The following UHRF1 variants were observed in gnomAD, a reference collection of about 807,000 sequenced individuals.
UHRF1 encodes the protein ubiquitin like with PHD and ring finger domains 1, also known as E3 ubiquitin-protein ligase UHRF1.
Under a neutral mutation model 96.5 loss-of-function variants are expected in UHRF1, and 9 were observed. The ratio of observed to expected loss-of-function variants is 0.09; its 90% CI spans 0.06 to 0.16. The LOEUF (loss-of-function observed/expected upper bound fraction) is 0.16, where lower values mean the gene tolerates loss of function less well. Among genes scored for constraint, UHRF1 ranks in the 10% least tolerant of loss-of-function variants. UHRF1 has a pLI of 1.00. For synonymous variants in UHRF1, 455 were observed against 469.9 expected, an observed-to-expected ratio of 0.97 and a Z score of 0.41; for missense variants, 626 against 1,131.1, an observed-to-expected ratio of 0.55 and a Z score of 6.40.
chr19:4,919,185 G>A (rs892946395), intron 2 of UHRF1, among the ~76,000 whole-genome samples: 4 of 151,778 alleles, frequency 2.6e-5, no homozygotes, highest in Non-Finnish European at 5.9e-5. Flanking sequence ...TTATAGTGAT[G>A]GGTTTTGCCA....
At chr19:4,904,609 G>T (rs1381834771), upstream of UHRF1, among the ~76,000 whole-genome samples, 1 of 152,132 alleles carries the variant, frequency 6.6e-6, no homozygotes, top group Non-Finnish European at 1.5e-5. Flanking sequence ...GAGCTACCAC[G>T]CCTGGCTGAC....
intron 1 of UHRF1, chr19:4,910,381 T>TC (rs1273424597): frequency 7.2e-6 from 1 of 139,690 alleles, no homozygotes. Flanking sequence ...CACCGAGGGG[T>TC]CCCGGGGTCC....
At chr19:4,934,014 A>G (rs1267233006) in intron 5 of UHRF1, among the ~76,000 whole-genome samples, 3 of 146,972 alleles carry the variant, frequency 2.0e-5, no homozygotes, top group Non-Finnish European at 4.5e-5. Context: ...TGTATGTAAC[A>G]GAAAATTTAC....
At chr19:4,903,882 A>G (rs2032002405) in intron 1 of UHRF1, among the ~76,000 whole-genome samples, 1 of 152,190 alleles carries the variant, frequency 6.6e-6, no homozygotes, top group Admixed American at 6.6e-5. Context: ...TATGGCCAGG[A>G]CCTGAAATCT....
At position 4,929,413 on chromosome 19, in the gene UHRF1, C is replaced by T. The variant is rs367872478; in HGVS notation, c.345C>T (p.Ala115=). The change falls in exon 3 of 17, where the codon GCC becomes GCT. Residue 115 remains alanine (A), a synonymous_variant. Coordinates refer to ENST00000650932, the MANE Select transcript of UHRF1 (RefSeq NM_001048201.3). ...DKSSTHGEAA[A]ETDSRPADED... is the part of the protein sequence containing the mutation. ...CCTCCACCCACGGTGAGGCGGCCGC[C>T]GAGACTGACAGCAGGCCAGCCGATG... is the stretch of plus-strand genomic sequence containing the variant. The T allele has an allele frequency of 2.8e-5, 45 of 1,613,584 alleles. No individual in the cohort carries two copies. Among genetic ancestry groups the T allele is most frequent in the East Asian group, 8.9e-5 (4 of 44,892 alleles).
chr19:4,942,230 T>G (rs1448785658), intron 7 of UHRF1, among the ~76,000 whole-genome samples: 2 of 151,918 alleles, frequency 1.3e-5, no homozygotes, highest in African/African-American at 4.8e-5. Context: ...TCTCGCTGTC[T>G]CCCAGGCTGG....
At chr19:4,960,413 G>A (rs1401486464) in intron 16 of UHRF1, among the ~76,000 whole-genome samples, 2 of 152,142 alleles carry the variant, frequency 1.3e-5, no homozygotes, top group African/African-American at 4.8e-5. Flanking sequence ...GATGAGAGCC[G>A]GGGGACCGAG....
At chr19:4,908,059 G>A (rs2032106775), upstream of UHRF1, among the ~76,000 whole-genome samples, 1 of 152,098 alleles carries the variant, frequency 6.6e-6, no homozygotes. Flanking sequence ...CATCTCCTTT[G>A]ACTTTGACCT....
intron 7 of UHRF1, among the ~76,000 whole-genome samples, chr19:4,942,166 T>G (rs1051895826): frequency 1.3e-5 from 2 of 152,022 alleles, no homozygotes; most frequent in African/African-American, 4.8e-5. Flanking sequence ...TTTGTTTTTT[T>G]GAGACGGAGT....
intron 16 of UHRF1, among the ~76,000 whole-genome samples, chr19:4,958,076 G>A (rs2033904239): frequency 6.6e-6 from 1 of 152,232 alleles, no homozygotes; most frequent in Non-Finnish European, 1.5e-5. Flanking sequence ...GGCAGCTCAG[G>A]GAAGGTCAGG....
chr19:4,946,401 C>T (rs2033566454), intron 10 of UHRF1, among the ~76,000 whole-genome samples: 1 of 152,156 alleles, frequency 6.6e-6, no homozygotes. Context: ...GCGGAGGGAC[C>T]ATGCTGTGTT....
chr19:4,939,814 G>T (rs2033330196), intron 5 of UHRF1, among the ~76,000 whole-genome samples: 2 of 152,146 alleles, frequency 1.3e-5, no homozygotes, highest in African/African-American at 4.8e-5. Context: ...CACAAGGTCA[G>T]GAGATCGAGA....
At chr19:4,944,548 G>C (rs2033507142) in intron 9 of UHRF1, 98 bp downstream of exon 9, 2 of 1,304,134 alleles carry the variant, frequency 1.5e-6, no homozygotes, top group Non-Finnish European at 2.2e-6. Flanking sequence ...GGTCAGGGTG[G>C]TTACCAGTGG....
chr19:4,903,167 C>G, exon 1 of UHRF1: 1 of 289,448 alleles, frequency 3.5e-6, no homozygotes. Flanking sequence ...GCTGGGACCA[C>G]GGGTGCATGC....
chr19:4,942,252 G>A (rs1243390883), intron 7 of UHRF1, among the ~76,000 whole-genome samples: 2 of 151,486 alleles, frequency 1.3e-5, no homozygotes, highest in African/African-American at 2.4e-5. Context: ...GTGCAGTGGC[G>A]CGATCTCAGC....
At chr19:4,947,278 G>C in intron 11 of UHRF1, 67 bp downstream of exon 11, 1 of 1,442,196 alleles carries the variant, frequency 6.9e-7, no homozygotes, top group Non-Finnish European at 9.8e-7. Context: ...TCTGTTTTGG[G>C]CCTCATGTCC....
At chr19:4,942,159 GT>G (rs1344168768) in intron 7 of UHRF1, among the ~76,000 whole-genome samples, 1 of 151,868 alleles carries the variant, frequency 6.6e-6, no homozygotes, top group South Asian at 2.1e-4. Flanking sequence ...TTTTTTGTTT[GT>G]TTTTTTGAGA....
At chr19:4,957,069 T>A (rs914556747) in intron 16 of UHRF1, among the ~76,000 whole-genome samples, 3 of 152,114 alleles carry the variant, frequency 2.0e-5, no homozygotes, top group African/African-American at 7.2e-5. Flanking sequence ...GCCTAAGGTC[T>A]GGAGAGGAGG....
chr19:4,960,540 G>A, intron 16 of UHRF1, 117 bp from the exon 17 acceptor site: 1 of 1,414,814 alleles, frequency 7.1e-7, no homozygotes, highest in Non-Finnish European at 9.7e-7. Flanking sequence ...AAGTGAGACT[G>A]AAGGTCAGAG....
Sources: allele counts gnomAD v4.1 joint callset (sites outside exome capture counted in the v4.1 genomes callset), GRCh38; gene constraint gnomAD v4.1.1; transcripts MANE v1.5; gene names NCBI Gene and HGNC (gene_info 2026-07-23, HGNC 2026-07-21).